UNC5A: variants seen among roughly 807,000 people sequenced by gnomAD.
UNC5A encodes netrin receptor UNC5A.
UNC5A carries 20 observed loss-of-function variants against 87.4 expected under a neutral mutation model. The observed-to-expected ratio is 0.23, with a 90% confidence interval of 0.16 to 0.33. The LOEUF (loss-of-function observed/expected upper bound fraction) is 0.33. Ranked by LOEUF, UNC5A falls within the 10% of genes least tolerant of loss-of-function variation. UNC5A has a pLI of 1.00. For synonymous variants in UNC5A, 438 were observed against 482.3 expected (o/e 0.91, Z 1.20); for missense variants, 844 against 1,133.4 (o/e 0.74, Z 3.67).
intron 1 of UNC5A, among the ~76,000 whole-genome samples, chr5:176,852,699 C>CT (rs1177519216): frequency 2.0e-5 from 3 of 152,206 alleles, no homozygotes; most frequent in Non-Finnish European, 4.4e-5. Context: ...GGAGCCCGTC[C>CT]CCCCATCACA....
intron 1 of UNC5A, among the ~76,000 whole-genome samples, chr5:176,827,684 G>A (rs6863611): frequency 0.025 from 3,732 of 152,274 alleles, 88 homozygotes; most frequent in East Asian, 0.1. Context: ...GAATTGCTGG[G>A]TCATACGGTA....
At chr5:176,845,489 A>G (rs1264349454) in intron 1 of UNC5A, among the ~76,000 whole-genome samples, 1 of 152,210 alleles carries the variant, frequency 6.6e-6, no homozygotes, top group African/African-American at 2.4e-5. Context: ...TATGCACTGC[A>G]CCTGTGCTTG....
rs1756794701 is a variant in UNC5A at position 176,824,135 on chromosome 5, G to C, written c.70+13315G>C. Among the ~76,000 whole-genome samples, 1 of 152,260 alleles carries C rather than the reference G, an allele frequency of 6.6e-6. No homozygotes were observed. The highest frequency in any genetic ancestry group is 1.5e-5 in the Non-Finnish European group (1 of 68,052). ...AGGGCTTCTCCCGCCTGGAGGCGGA[G>C]GTGCGGCCCCGATGCCTCCCGGGTT... On this transcript the variant is annotated intron_variant, in intron 1 of 14. Transcript: ENST00000329542. This position sits in a 1 kb window ranked among gnomAD's most constrained non-coding sequence, Gnocchi z 4.2.
intron 1 of UNC5A, among the ~76,000 whole-genome samples, chr5:176,856,862 T>C (rs553580538): frequency 6.6e-6 from 1 of 151,932 alleles, no homozygotes; most frequent in East Asian, 1.9e-4. Context: ...AAATCCCAAC[T>C]CCTGACTCGA....
In UNC5A at chr5:176,879,787, G is replaced by A. The variant is rs141484451; in HGVS notation, c.2430G>A (p.Arg810=). Residue 810 remains arginine, a synonymous_variant, in exon 15 of 15, where the codon CGG becomes CGA. Coordinates refer to ENST00000329542, the MANE Select transcript of UNC5A (RefSeq NM_133369.3). The part of the protein sequence containing the change: ...TAMILNLWEA[R]HFPNGNLSQL... ...TGATCCTCAACCTGTGGGAGGCGCG[G>A]CACTTCCCCAACGGCAACCTCAGCC... is the stretch of plus-strand genomic sequence containing the variant. 5.0e-6 allele frequency: 8 copies of A among 1,613,260 alleles called. No homozygotes were observed. Among genetic ancestry groups the A allele is most frequent in the African/African-American group, 1.3e-5 (1 of 74,920 alleles).
In UNC5A at chr5:176,869,713, C is replaced by A; in HGVS notation, c.722-657C>A. ...AGCCGGAGCTGCACCAACCCGGCGCCTCTCAACGGGGGCGCTTTCTGTGAG... is the reference window on the plus strand; with the variant it reads ...AGCCGGAGCTGCACCAACCCGGCGCATCTCAACGGGGGCGCTTTCTGTGAG... On this transcript the variant is annotated intron_variant, in intron 5 of 14. Transcript: ENST00000329542. This position sits in a 1 kb window ranked among gnomAD's most constrained non-coding sequence, Gnocchi z 9.1. 1.5e-6 allele frequency: 1 copy of A among 673,044 alleles called. No homozygotes were observed. Among genetic ancestry groups the A allele is most frequent in the Non-Finnish European group, 2.7e-6 (1 of 366,278 alleles). The allele number at this position is 673,044 out of a possible 1,614,324, so 41.7% of individuals were successfully genotyped here. A position where few individuals can be genotyped will look rare whatever the true frequency, so the allele number is the denominator to read the frequency against.
intron 2 of UNC5A, 58 bp downstream of exon 2, chr5:176,862,903 C>A: frequency 1.3e-6 from 2 of 1,587,878 alleles, no homozygotes; most frequent in Admixed American, 1.8e-5. Context: ...TTCGGCCCCC[C>A]CAGAGGAGCC....
chr5:176,864,032 G>A (rs570821334), intron 2 of UNC5A, among the ~76,000 whole-genome samples: 5 of 151,710 alleles, frequency 3.3e-5, no homozygotes, highest in South Asian at 2.1e-4. Flanking sequence ...GGCACAGCCC[G>A]TGCGGGACAC....
In UNC5A at chr5:176,874,138, A is replaced by G. The variant is rs753891354; in HGVS notation, c.1057A>G (p.Ile353Val). Residue 353 changes from isoleucine (I) to valine (V), a missense_variant, in exon 7 of 15, where the codon ATC (isoleucine) becomes GTC (valine). Transcript: ENST00000329542. This position sits in a 1 kb window ranked among gnomAD's most constrained non-coding sequence, Gnocchi z 7.6. ...CACCTCAGGCTTCCAGCCCGTCAGC[A>G]TCAAGCCCAGCAAAGCAGGTGAGGG... ...ILTSGFQPVS[I>V]KPSKADNPHL... 2 of 1,613,818 alleles carry G rather than the reference A, an allele frequency of 1.2e-6. No homozygotes were observed. The highest frequency in any genetic ancestry group is 1.7e-5 in the Admixed American group (1 of 60,016).
rs149629964 is a variant in UNC5A, at chr5:176,862,880, G to A, written c.292+35G>A. ...ATGGGGCGCCAGGCAGGGCCAATCC[G>A]GGGGAGGCGAGTTTCGGCCCCCCCA... On this transcript the variant is annotated intron_variant, in intron 2 of 14. Transcript: ENST00000329542. 91 of 1,607,944 alleles carry A rather than the reference G, an allele frequency of 5.7e-5. 1 individual carries two copies. The South Asian group carries it at 7.7e-4, about 14-fold the overall frequency.
chr5:176,871,665 CG>C (rs1195914180), intron 6 of UNC5A, among the ~76,000 whole-genome samples: 1 of 9,070 alleles, frequency 1.1e-4, no homozygotes, highest in Admixed American at 5.4e-4. Flanking sequence ...TGCCCACACT[CG>C]CCCCACACCA....
At position 176,844,706 on chromosome 5, in the gene UNC5A, G is replaced by T. The variant is rs1757360648; in HGVS notation, c.71-17918G>T. ...TTAAACCTCCTACATCACACCCAGGGGTCTGTGGACCACAGTTCACAGCCT... is the reference window on the plus strand; with the variant it reads ...TTAAACCTCCTACATCACACCCAGGTGTCTGTGGACCACAGTTCACAGCCT... On this transcript the variant is annotated intron_variant, in intron 1 of 14. Transcript: ENST00000329542. This position sits in a 1 kb window ranked among gnomAD's most constrained non-coding sequence, Gnocchi z 4.2. Among the ~76,000 whole-genome samples the T allele has an allele frequency of 6.6e-6, 1 of 152,148 alleles. No homozygotes were observed.
At chr5:176,863,834 T>TCCTCCTCCTCCC (rs1757908108) in intron 2 of UNC5A, among the ~76,000 whole-genome samples, 1 of 91,348 alleles carries the variant, frequency 1.1e-5, no homozygotes, top group Non-Finnish European at 2.2e-5. Flanking sequence ...CTCCTCCCCC[T>TCCTCCTCCTCCC]CCTCCTCCCC....
At chr5:176,860,795 G>A (rs1046344252) in intron 1 of UNC5A, among the ~76,000 whole-genome samples, 3 of 152,194 alleles carry the variant, frequency 2.0e-5, no homozygotes, top group African/African-American at 2.4e-5. Flanking sequence ...TTATGAATGC[G>A]GGCTTGGTGT....
In UNC5A at chr5:176,810,736, T is replaced by TGCCC; in HGVS notation, c.-8_-5dup. ...GGGCCCCGCGCCCGGCCCGCCCGCC[T>TGCCC]GCCCGCCCGCGGCCATGGCCGTCCG... On this transcript the variant is annotated 5_prime_UTR_variant, in exon 1 of 15. Transcript: ENST00000329542. The surrounding 1 kb of genome is among the most constrained non-coding windows in gnomAD (Gnocchi z 7.3). The TGCCC allele has an allele frequency of 1.8e-6, 2 of 1,126,624 alleles. No homozygotes were observed. The highest frequency in any genetic ancestry group is 2.2e-6 in the Non-Finnish European group (2 of 919,140). The allele number at this position is 1,126,624 out of a possible 1,614,324, so 69.8% of individuals were successfully genotyped here.
chr5:176,834,484 AG>A (rs964755685), intron 1 of UNC5A, among the ~76,000 whole-genome samples: 5 of 152,226 alleles, frequency 3.3e-5, no homozygotes, highest in Non-Finnish European at 5.9e-5. Flanking sequence ...GAGGACCCTA[AG>A]GGGAAGAAAA....
In UNC5A at chr5:176,877,596, G is replaced by A. The variant is rs781282336; in HGVS notation, c.1528G>A (p.Val510Ile). 1.7e-5 allele frequency: 28 copies of A among 1,612,170 alleles called. No homozygotes were observed. The highest frequency in any genetic ancestry group is 1.6e-4 in the Middle Eastern group (1 of 6,076). Residue 510 changes from valine to isoleucine, a missense_variant, in exon 10 of 15, where the codon GTC becomes ATC. This residue lies in a region of UNC5A where 353 missense variants were observed against 387.5 expected (regional missense o/e 0.91). Coordinates refer to ENST00000329542, the MANE Select transcript of UNC5A (RefSeq NM_133369.3). ...SPIVSCGPPG[V>I]LLTRPVILAM... ...CATCGTTAGCTGTGGACCCCCTGGC[G>A]TCCTGCTCACCCGGCCAGTCATCCT...
intron 1 of UNC5A, among the ~76,000 whole-genome samples, chr5:176,828,170 G>A (rs1219363966): frequency 2.0e-5 from 3 of 152,160 alleles, no homozygotes; most frequent in Admixed American, 6.5e-5. Flanking sequence ...GGATAAATGC[G>A]GCTACAAACA....
intron 1 of UNC5A, among the ~76,000 whole-genome samples, chr5:176,819,138 C>G (rs1039072821): frequency 1.3e-5 from 2 of 152,230 alleles, no homozygotes; most frequent in African/African-American, 4.8e-5. Context: ...CTGCCCCTTT[C>G]CTGGCCAGCC....
Sources: allele counts gnomAD v4.1 joint callset (sites outside exome capture counted in the v4.1 genomes callset), GRCh38; gene constraint gnomAD v4.1.1; regional missense constraint gnomAD v4.1.1; non-coding constraint Gnocchi (gnomAD v3.1); transcripts MANE v1.5; gene names NCBI Gene and HGNC (gene_info 2026-07-23, HGNC 2026-07-21).